Variants in CDK14 observed in about 807,000 individuals in gnomAD.
CDK14 encodes cyclin-dependent kinase 14.
Under a neutral mutation model 60.7 loss-of-function variants are expected in CDK14, and 34 were observed. That is an observed-to-expected ratio of 0.56 (90% CI 0.43 to 0.75). The LOEUF is 0.75. CDK14 is among the 30% of genes least tolerant of loss of function. CDK14 has a pLI of 0.00. For missense variants in CDK14, 482 were observed against 564.1 expected, an observed-to-expected ratio of 0.85 and a Z score of 1.47; for synonymous variants, 197 against 203.7, an observed-to-expected ratio of 0.97 and a Z score of 0.28.
At chr7:90,918,807 T>C (rs927067750) in intron 8 of CDK14, among the ~76,000 whole-genome samples, 3 of 152,220 alleles carry the variant, frequency 2.0e-5, no homozygotes, top group Admixed American at 6.5e-5. Context: ...TAGTAGACTG[T>C]TGAATACCTT....
At chr7:91,087,522 T>C (rs927772730) in intron 12 of CDK14, among the ~76,000 whole-genome samples, 2 of 152,196 alleles carry the variant, frequency 1.3e-5, no homozygotes, top group Admixed American at 1.3e-4. Context: ...GAGCCTCAGC[T>C]TTTCAATTTG....
At chr7:90,807,516 A>G (rs1312737867) in intron 5 of CDK14, among the ~76,000 whole-genome samples, 1 of 152,224 alleles carries the variant, frequency 6.6e-6, no homozygotes, top group Non-Finnish European at 1.5e-5. Context: ...AAGATGGGGA[A>G]AAAACAGAGC....
intron 11 of CDK14, among the ~76,000 whole-genome samples, chr7:91,047,767 A>G (rs73708232): frequency 0.1 from 15,255 of 152,198 alleles, 1,328 homozygotes; most frequent in African/African-American, 0.24. Flanking sequence ...ACCACAGCAC[A>G]TAAGTGTTTC....
At chr7:90,897,175 G>A (rs138065401) in intron 6 of CDK14, among the ~76,000 whole-genome samples, 176 of 152,144 alleles carry the variant, frequency 1.2e-3, no homozygotes, top group African/African-American at 3.8e-3. Context: ...TATGTTAAAC[G>A]TGATTTTACA....
chr7:90,957,902 C>A (rs1562844990), intron 9 of CDK14, among the ~76,000 whole-genome samples: 1 of 152,112 alleles, frequency 6.6e-6, no homozygotes, highest in Admixed American at 6.6e-5. Context: ...CAAATCAATC[C>A]TAAGCCAAAA....
intron 12 of CDK14, chr7:91,107,522 G>A (rs905719966): frequency 4.6e-5 from 7 of 152,354 alleles, no homozygotes; most frequent in African/African-American, 1.2e-4. Flanking sequence ...GCCTGTTGAT[G>A]ACTGGTTATG....
chr7:90,822,548 C>A (rs1789586266), intron 5 of CDK14, among the ~76,000 whole-genome samples: 1 of 152,094 alleles, frequency 6.6e-6, no homozygotes, highest in African/African-American at 2.4e-5. Context: ...GTGCTGTGCT[C>A]CCCTCCACTC....
At chr7:91,072,511 T>G (rs544525212) in intron 11 of CDK14, among the ~76,000 whole-genome samples, 2 of 151,842 alleles carry the variant, frequency 1.3e-5, no homozygotes, top group East Asian at 3.9e-4. Context: ...CGCAAAAACC[T>G]CCTCCAAGGG....
In CDK14 at chr7:90,750,153, A is replaced by AACACAC. The variant is rs3138824; in HGVS notation, c.464+2421_464+2426dup. Among the ~76,000 whole-genome samples, 496 of 131,390 alleles carry AACACAC rather than the reference A, an allele frequency of 3.8e-3. 2 individuals are homozygous for AACACAC. Among genetic ancestry groups the AACACAC allele is most frequent in the Middle Eastern group, 0.011 (3 of 280 alleles). The allele number at this position is 131,390 out of a possible 152,430, so 86.2% of individuals were successfully genotyped here. ...GTGGGGAGAAGGGAAGGGGAAAGAA[A>AACACAC]ACACACACACACACACACACACACA... is the stretch of plus-strand genomic sequence containing the variant. On this transcript the variant is annotated intron_variant, in intron 4 of 14. Transcript: ENST00000380050.
At chr7:91,077,795 CA>C (rs1317633819) in intron 11 of CDK14, among the ~76,000 whole-genome samples, 6 of 149,588 alleles carry the variant, frequency 4.0e-5, no homozygotes, top group South Asian at 2.1e-4. Context: ...TGATCATATA[CA>C]AAAAAATTCT....
intron 13 of CDK14, among the ~76,000 whole-genome samples, chr7:91,115,408 TCTC>T (rs1468230125): frequency 6.6e-6 from 1 of 152,088 alleles, no homozygotes; most frequent in African/African-American, 2.4e-5. Flanking sequence ...AAGCCATTAA[TCTC>T]ATCATGAGGG....
intron 3 of CDK14, among the ~76,000 whole-genome samples, chr7:90,741,024 G>A (rs1424179806): frequency 6.6e-6 from 1 of 152,134 alleles, no homozygotes; most frequent in Non-Finnish European, 1.5e-5. Context: ...TCTATTTTTG[G>A]TCTATATTTC....
intron 3 of CDK14, among the ~76,000 whole-genome samples, chr7:90,743,172 C>T (rs1803421731): frequency 6.6e-6 from 1 of 151,978 alleles, no homozygotes. Context: ...GGGATTCTAA[C>T]CTATATAGCG....
At chr7:90,820,128 A>T (rs1554345747) in intron 5 of CDK14, among the ~76,000 whole-genome samples, 1 of 152,082 alleles carries the variant, frequency 6.6e-6, no homozygotes, top group Non-Finnish European at 1.5e-5. Context: ...TTCATATAAG[A>T]AGTTAATATA....
intron 11 of CDK14, among the ~76,000 whole-genome samples, chr7:91,061,224 T>C (rs540751372): frequency 9.8e-4 from 149 of 152,326 alleles, no homozygotes; most frequent in African/African-American, 3.5e-3. Context: ...CGTCATGTAG[T>C]TCTTGTGCCA....
intron 11 of CDK14, among the ~76,000 whole-genome samples, chr7:91,059,390 G>C (rs1022802055): frequency 6.6e-6 from 1 of 151,916 alleles, no homozygotes; most frequent in East Asian, 1.9e-4. Flanking sequence ...AGGGTTTTTT[G>C]TGTCTCTATT....
At chr7:90,660,859 C>G (rs1460052053) in intron 2 of CDK14, among the ~76,000 whole-genome samples, 1 of 152,180 alleles carries the variant, frequency 6.6e-6, no homozygotes. Flanking sequence ...ATTTGGCCCT[C>G]CCATGGAAAT....
At chr7:90,777,152 A>G (rs1805084476) in intron 4 of CDK14, among the ~76,000 whole-genome samples, 1 of 152,140 alleles carries the variant, frequency 6.6e-6, no homozygotes, top group Non-Finnish European at 1.5e-5. Flanking sequence ...GTTCCCAGTT[A>G]TGTTCTGGTA....
rs545486121 is a variant in CDK14, at chr7:91,173,442, G to C, written c.*29-33723G>C. Among the ~76,000 whole-genome samples, 24 of 151,700 alleles carry C rather than the reference G, an allele frequency of 1.6e-4. No homozygotes were observed. In the East Asian group the frequency reaches 2.5e-3, roughly 16 times the overall value. On this transcript the variant is annotated intron_variant, in intron 14 of 14. Coordinates refer to ENST00000380050, the MANE Select transcript of CDK14 (RefSeq NM_001287135.2). ...GACTGCATCTCTTAAAAAAAAAAAG[G>C]TGGGGAGGAGCCAAGATGGCCGAAT...
Sources: allele counts gnomAD v4.1 joint callset (sites outside exome capture counted in the v4.1 genomes callset), GRCh38; gene constraint gnomAD v4.1.1; transcripts MANE v1.5; gene names NCBI Gene and HGNC (gene_info 2026-07-23, HGNC 2026-07-21).